DOCK1: variants seen among roughly 807,000 people sequenced by gnomAD.
DOCK1 encodes dedicator of cytokinesis 1, also known as dedicator of cytokinesis protein 1.
Under a neutral mutation model 262.7 loss-of-function variants are expected in DOCK1, and 138 were observed. The ratio of observed to expected loss-of-function variants is 0.53; its 90% CI spans 0.46 to 0.61. The LOEUF (loss-of-function observed/expected upper bound fraction) is 0.61. Among genes scored for constraint, DOCK1 ranks in the 20% least tolerant of loss-of-function variants. The pLI, the probability that DOCK1 is intolerant of heterozygous loss-of-function variation, is 0.00. For synonymous variants in DOCK1, 866 were observed against 867.4 expected (o/e 1.00, Z 0.03); for missense variants, 1,908 against 2,370.7 (o/e 0.80, Z 4.05).
Position 127,451,368 on chromosome 10 carries a change from C to T in DOCK1, c.5602C>T (p.Pro1868Ser). 1.2e-6 allele frequency: 2 copies of T among 1,600,438 alleles called. No homozygotes were observed. Among genetic ancestry groups the T allele is most frequent in the Non-Finnish European group, 1.7e-6 (2 of 1,173,674 alleles). ...PPPLPSKTPP[P>S]PPPKTTRKQA... is the part of the protein sequence containing the mutation. ...TCCACTGCCCAGCAAAACTCCGCCT[C>T]CTCCCCCTCCAAAGACAACTCGCAA... The change falls in exon 52 of 52, where the codon CCT becomes TCT. Residue 1868 changes from proline (P) to serine (S), a missense_variant. Transcript: ENST00000623213.
intron 29 of DOCK1, among the ~76,000 whole-genome samples, chr10:127,276,572 C>T (rs948031432): frequency 2.6e-5 from 4 of 152,138 alleles, no homozygotes; most frequent in Admixed American, 6.5e-5. Flanking sequence ...AGCAGGGACT[C>T]GGACACTGGT....
intron 2 of DOCK1, among the ~76,000 whole-genome samples, chr10:126,977,395 GC>G (rs1344384955): frequency 2.0e-5 from 3 of 152,196 alleles, no homozygotes; most frequent in Non-Finnish European, 2.9e-5. Flanking sequence ...CCTGTGCTTG[GC>G]CCTGGAGCTT....
intron 23 of DOCK1, among the ~76,000 whole-genome samples, chr10:127,084,017 T>C (rs2047058340): frequency 6.6e-6 from 1 of 152,254 alleles, no homozygotes; most frequent in Admixed American, 6.5e-5. Context: ...GTAATGGGTC[T>C]AAATCCTTCT....
intron 23 of DOCK1, among the ~76,000 whole-genome samples, chr10:127,095,433 GCT>G (rs1463040456): frequency 6.6e-6 from 1 of 152,214 alleles, no homozygotes; most frequent in Admixed American, 6.5e-5. Flanking sequence ...GGCTTCGGTT[GCT>G]CATTTGAACA....
chr10:127,234,058 A>G (rs1176309585), intron 27 of DOCK1, among the ~76,000 whole-genome samples: 2 of 152,214 alleles, frequency 1.3e-5, no homozygotes, highest in Non-Finnish European at 2.9e-5. Flanking sequence ...TACATACAGT[A>G]TATTAAACCA....
At chr10:127,210,141 C>G (rs2057910589) in intron 27 of DOCK1, among the ~76,000 whole-genome samples, 1 of 152,216 alleles carries the variant, frequency 6.6e-6, no homozygotes, top group Admixed American at 6.5e-5. Flanking sequence ...GGTTCCCTCA[C>G]AGTGAGAATG....
At chr10:127,422,660 T>C (rs899887897) in intron 46 of DOCK1, among the ~76,000 whole-genome samples, 1 of 152,360 alleles carries the variant, frequency 6.6e-6, no homozygotes, top group East Asian at 1.9e-4. Flanking sequence ...CAACTTTGGC[T>C]TCTTTGTATG....
intron 1 of DOCK1, among the ~76,000 whole-genome samples, chr10:126,932,401 G>A (rs1208321443): frequency 3.3e-5 from 5 of 151,828 alleles, no homozygotes; most frequent in African/African-American, 7.2e-5. Flanking sequence ...CTGTCCTCCC[G>A]GGAAGACCTA....
chr10:126,958,772 C>T (rs939316508), intron 1 of DOCK1, among the ~76,000 whole-genome samples: 7,283 of 152,150 alleles, frequency 0.048, 208 homozygotes, highest in Non-Finnish European at 0.06. Flanking sequence ...TGTTTCACTC[C>T]GCTCAGATGT....
intron 11 of DOCK1, among the ~76,000 whole-genome samples, chr10:127,009,611 G>T (rs143153434): frequency 6.6e-6 from 1 of 152,128 alleles, no homozygotes; most frequent in Non-Finnish European, 1.5e-5. Flanking sequence ...AGGGGAGAAG[G>T]CATGGTAAGG....
At chr10:127,397,228 C>T (rs796220437) in intron 38 of DOCK1, among the ~76,000 whole-genome samples, 6 of 102,648 alleles carry the variant, frequency 5.8e-5, no homozygotes, top group Admixed American at 2.1e-4. Context: ...ACACGGGCAG[C>T]GACTCCTATG....
chr10:127,206,996 C>T (rs2057753093), intron 27 of DOCK1, among the ~76,000 whole-genome samples: 3 of 152,200 alleles, frequency 2.0e-5, no homozygotes, highest in Admixed American at 2.0e-4. Context: ...TATTTTACTT[C>T]TAATGCTTTT....
intron 27 of DOCK1, among the ~76,000 whole-genome samples, chr10:127,199,191 T>A (rs1370174677): frequency 6.6e-6 from 1 of 152,188 alleles, no homozygotes; most frequent in Non-Finnish European, 1.5e-5. Flanking sequence ...CAAGTGGGAT[T>A]TCCTAAAAGC....
At chr10:127,144,452 C>T (rs1237420298) in intron 27 of DOCK1, among the ~76,000 whole-genome samples, 2 of 152,164 alleles carry the variant, frequency 1.3e-5, no homozygotes, top group Non-Finnish European at 2.9e-5. Flanking sequence ...TTTAATTCAT[C>T]TTTTGTCTGC....
chr10:126,991,613 C>T (rs4750691), intron 6 of DOCK1, among the ~76,000 whole-genome samples: 99,524 of 151,318 alleles, frequency 0.66, 33,168 homozygotes, highest in East Asian at 0.78. Context: ...CATTGCAATC[C>T]CCGTCTCCTG....
At chr10:127,318,819 C>T (rs1358955111) in intron 29 of DOCK1, among the ~76,000 whole-genome samples, 1 of 152,136 alleles carries the variant, frequency 6.6e-6, no homozygotes, top group African/African-American at 2.4e-5. Context: ...CTGGGCCCTG[C>T]AATGTCAGAG....
chr10:127,193,602 C>T (rs1004833458), intron 27 of DOCK1, among the ~76,000 whole-genome samples: 3 of 152,146 alleles, frequency 2.0e-5, no homozygotes, highest in Non-Finnish European at 2.9e-5. Flanking sequence ...TCTACGTGAA[C>T]GGGTCTGTCC....
chr10:127,337,320 C>G (rs1384447574), intron 29 of DOCK1, among the ~76,000 whole-genome samples: 1 of 152,126 alleles, frequency 6.6e-6, no homozygotes, highest in Non-Finnish European at 1.5e-5. Context: ...CTTTGTACTT[C>G]TGGGGGCTGA....
At chr10:127,070,002 C>T (rs1026940265) in intron 23 of DOCK1, among the ~76,000 whole-genome samples, 1 of 152,056 alleles carries the variant, frequency 6.6e-6, no homozygotes, top group African/African-American at 2.4e-5. Context: ...GTGTTCTGTG[C>T]CTTTCTCTAG....
Sources: allele counts gnomAD v4.1 joint callset (sites outside exome capture counted in the v4.1 genomes callset), GRCh38; gene constraint gnomAD v4.1.1; transcripts MANE v1.5; gene names NCBI Gene and HGNC (gene_info 2026-07-23, HGNC 2026-07-21).